The following ACTA2 variants were observed in gnomAD, a reference collection of about 807,000 sequenced individuals.
The protein encoded by ACTA2 is actin, aortic smooth muscle.
In ACTA2, 12 loss-of-function variants were observed where a neutral mutation model predicts 39.5. The ratio of observed to expected loss-of-function variants is 0.30; its 90% CI spans 0.19 to 0.49. ACTA2 has a LOEUF of 0.49. Ranked by LOEUF, ACTA2 falls within the 20% of genes least tolerant of loss-of-function variation. The pLI, the probability that ACTA2 is intolerant of heterozygous loss-of-function variation, is 0.99. For synonymous variants in ACTA2, 158 were observed against 180.6 expected (o/e 0.88, Z 1.00); for missense variants, 236 against 498.8 (o/e 0.47, Z 5.02).
chr10:88,938,187 A>G lies in ACTA2; in HGVS notation c.864T>C (p.Asp288=), dbSNP rs2133246505. The G allele has an allele frequency of 3.1e-6, 5 of 1,614,052 alleles. No homozygotes were observed. The highest frequency in any genetic ancestry group is 4.2e-6 in the Non-Finnish European group (5 of 1,179,952). The change falls in exon 8 of 9, where the codon GAT becomes GAC. Residue 288 remains aspartate (D), a synonymous_variant. Transcript: ENST00000224784. ...CATAGAGGTCCTTCCTGATGTCAAT[A>G]TCACACTTCATGATGCTGTTGTAGG... is the stretch of plus-strand genomic sequence containing the variant. ...ETTYNSIMKC[D]IDIRKDLYAN...
chr10:88,937,641 A>C (rs887613557), intron 8 of ACTA2, among the ~76,000 whole-genome samples: 1 of 152,250 alleles, frequency 6.6e-6, no homozygotes, highest in African/African-American at 2.4e-5. Flanking sequence ...GTGGAGGAAG[A>C]GTATAAGCTC....
chr10:88,961,338 A>G (rs1846223275), intron 1 of ACTA2, among the ~76,000 whole-genome samples: 1 of 152,210 alleles, frequency 6.6e-6, no homozygotes, highest in Non-Finnish European at 1.5e-5. Flanking sequence ...CAGGGCTATT[A>G]TAGAAAAGGT....
chr10:88,959,965 C>T (rs1846200499), intron 1 of ACTA2, among the ~76,000 whole-genome samples: 1 of 152,166 alleles, frequency 6.6e-6, no homozygotes, highest in Admixed American at 6.5e-5. Context: ...AGGTAAGTTG[C>T]TATTCTCATC....
At chr10:88,986,934 T>G (rs1846911481) in intron 1 of ACTA2, among the ~76,000 whole-genome samples, 1 of 152,226 alleles carries the variant, frequency 6.6e-6, no homozygotes, top group East Asian at 1.9e-4. Context: ...GTGTACTAGG[T>G]GATTTGCATA....
chr10:88,981,578 C>G (rs116892683), intron 1 of ACTA2, among the ~76,000 whole-genome samples: 98 of 152,248 alleles, frequency 6.4e-4, no homozygotes, highest in East Asian at 5.0e-3. Context: ...AAAACAGGGA[C>G]ATTTCCCAAT....
intron 6 of ACTA2, chr10:88,940,767 A>G: frequency 4.0e-6 from 1 of 247,844 alleles, no homozygotes; most frequent in South Asian, 5.8e-5. Context: ...CTTCCATTTA[A>G]TACTGATAAC....
chr10:88,946,343 T>C (rs1364638552), intron 3 of ACTA2, among the ~76,000 whole-genome samples: 1 of 145,910 alleles, frequency 6.9e-6, no homozygotes, highest in African/African-American at 2.5e-5. Flanking sequence ...CTCAAACTCC[T>C]GGCCTCAAGT....
chr10:88,976,106 G>T (rs986486170), intron 1 of ACTA2, among the ~76,000 whole-genome samples: 5 of 152,010 alleles, frequency 3.3e-5, no homozygotes, highest in African/African-American at 1.2e-4. Context: ...GTAATACAGG[G>T]GTGTCCAATC....
chr10:88,991,053 G>A, exon 1 of ACTA2: 2 of 1,023,364 alleles, frequency 2.0e-6, no homozygotes, highest in Non-Finnish European at 3.0e-6. Context: ...GGGAGGCGTT[G>A]GAGACTGGCT....
chr10:88,956,231 C>A (rs1167427157), upstream of ACTA2, among the ~76,000 whole-genome samples: 1 of 152,182 alleles, frequency 6.6e-6, no homozygotes, highest in Non-Finnish European at 1.5e-5. Flanking sequence ...TGTTACAATT[C>A]TTGAGGTCAG....
In ACTA2 at chr10:88,938,260, G is replaced by A. The variant is rs1173327799; in HGVS notation, c.809-18C>T. On this transcript the variant is annotated intron_variant, in intron 7 of 8. Coordinates refer to ENST00000224784, the MANE Select transcript of ACTA2 (RefSeq NM_001613.4). Reference sequence around the variant, plus strand: ...CTCCATCCCTGGAAAAGAGACACAGGCCATGGTCCTTAAGTGGAGAGTAAA... The same window carrying A: ...CTCCATCCCTGGAAAAGAGACACAGACCATGGTCCTTAAGTGGAGAGTAAA... The A allele has an allele frequency of 1.4e-5, 23 of 1,613,852 alleles. No individual in the cohort carries two copies. Among genetic ancestry groups the A allele is most frequent in the Non-Finnish European group, 1.6e-5 (19 of 1,179,810 alleles).
chr10:88,978,318 G>A (rs928187851), intron 1 of ACTA2, among the ~76,000 whole-genome samples: 4 of 149,322 alleles, frequency 2.7e-5, no homozygotes, highest in Admixed American at 6.7e-5. Context: ...GTTAGTGGGT[G>A]CAGCGCACCA....
chr10:88,943,632 A>T (rs1232134381), intron 4 of ACTA2, 165 bp downstream of exon 4: 1 of 705,706 alleles, frequency 1.4e-6, no homozygotes, highest in Non-Finnish European at 2.6e-6. Flanking sequence ...GGATGCAAGT[A>T]CTTTCAAGCT....
chr10:88,954,272 A>G (rs150977815), upstream of ACTA2, among the ~76,000 whole-genome samples: 567 of 152,328 alleles, frequency 3.7e-3, 5 homozygotes, highest in African/African-American at 0.013. Flanking sequence ...GAAGAATTGC[A>G]CTATTGATTA....
intron 1 of ACTA2, among the ~76,000 whole-genome samples, chr10:88,983,814 A>T (rs1431440318): frequency 2.0e-5 from 3 of 152,070 alleles, no homozygotes; most frequent in Admixed American, 2.0e-4. Flanking sequence ...ACTTTGATAA[A>T]CCCATTGAAT....
chr10:88,954,170 A>G (rs1267046565), upstream of ACTA2, among the ~76,000 whole-genome samples: 1 of 152,166 alleles, frequency 6.6e-6, no homozygotes. Flanking sequence ...GAGTGGCTTT[A>G]TTTTACAGCC....
intron 8 of ACTA2, 23 bp from the exon 9 acceptor site, chr10:88,935,389 A>G (rs375863298): frequency 5.7e-5 from 92 of 1,612,858 alleles, no homozygotes; most frequent in Non-Finnish European, 7.6e-5. Flanking sequence ...ATGAAAAAGA[A>G]TGGTCATTAA....
Position 88,990,500 on chromosome 10 carries a change from G to T in ACTA2, c.-24+439C>A. On this transcript the variant is annotated intron_variant, in intron 1 of 4. Transcript: ENST00000415557. The surrounding 1 kb of genome is among the most constrained non-coding windows in gnomAD (Gnocchi z 4.9). ...AATGCCCATTTGTGCAACGAACCCTGACTCCTTCCTCACCCTGACTTCTCC... is the reference window on the plus strand; with the variant it reads ...AATGCCCATTTGTGCAACGAACCCTTACTCCTTCCTCACCCTGACTTCTCC... 1 of 579,530 alleles carries T rather than the reference G, an allele frequency of 1.7e-6. No individual in the cohort carries two copies. 35.9% of individuals were successfully genotyped at this position (579,530 alleles called of 1,614,324 possible).
chr10:88,941,404 G>C lies in ACTA2; in HGVS notation c.455-14C>G. The C allele has an allele frequency of 6.2e-7, 1 of 1,613,940 alleles. No individual in the cohort carries two copies. The highest frequency in any genetic ancestry group is 1.1e-5 in the South Asian group (1 of 91,068). ...CCAGCACGATGCCTGGGAGACAATT[G>C]GGCGTGATAAGTCACCATGGCAGCT... is the stretch of plus-strand genomic sequence containing the variant. On this transcript the variant is annotated splice_polypyrimidine_tract_variant and intron_variant, in intron 5 of 8. Transcript: ENST00000224784.
Sources: gnomAD v4.1 joint callset for allele counts (sites outside exome capture counted in the v4.1 genomes callset) on GRCh38, gnomAD v4.1.1 for gene constraint, Gnocchi (gnomAD v3.1) non-coding constraint, MANE v1.5 for transcripts, NCBI Gene and HGNC (gene_info 2026-07-23, HGNC 2026-07-21) for gene names.